The following USH2A variants were observed in gnomAD, a reference collection of about 807,000 sequenced individuals.
The protein encoded by USH2A is Usher syndrome 2A (autosomal recessive, mild).
A neutral mutation model predicts 538.9 loss-of-function variants in USH2A; 443 were observed. That is an observed-to-expected ratio of 0.82 (90% confidence interval 0.76 to 0.89). The LOEUF (loss-of-function observed/expected upper bound fraction) is 0.89, where lower values mean the gene tolerates loss of function less well. USH2A is among the 40% of genes least tolerant of loss of function. The pLI is 0.00. For synonymous variants in USH2A, 2,413 were observed against 2,273.5 expected, an observed-to-expected ratio of 1.06 and a Z score of -1.75; for missense variants, 6,633 against 6,324.8, an observed-to-expected ratio of 1.05 and a Z score of -1.65.
chr1:215,765,880 C>T (rs1038300876), intron 56 of USH2A, among the ~76,000 whole-genome samples: 1 of 152,124 alleles, frequency 6.6e-6, no homozygotes, highest in African/African-American at 2.4e-5. Context: ...CAATTCTACT[C>T]ACAAACATTA....
At chr1:216,018,994 A>G (rs1470238543) in intron 32 of USH2A, among the ~76,000 whole-genome samples, 1 of 152,194 alleles carries the variant, frequency 6.6e-6, no homozygotes, top group Admixed American at 6.5e-5. Flanking sequence ...TTTATTAAAT[A>G]AGTATGCTAT....
intron 3 of USH2A, among the ~76,000 whole-genome samples, chr1:216,409,008 G>A (rs781229524): frequency 9.9e-5 from 15 of 152,182 alleles, no homozygotes; most frequent in Non-Finnish European, 2.2e-4. Context: ...GTGGTTGACT[G>A]TGGGTGACAA....
At chr1:216,307,380 CCATG>C (rs371664054) in intron 9 of USH2A, among the ~76,000 whole-genome samples, 14 of 152,204 alleles carry the variant, frequency 9.2e-5, no homozygotes, top group Non-Finnish European at 2.1e-4. Flanking sequence ...CACCCAGCTC[CCATG>C]CAACCCAAAA....
intron 56 of USH2A, among the ~76,000 whole-genome samples, chr1:215,764,847 G>T (rs1189251706): frequency 6.6e-6 from 1 of 151,784 alleles, no homozygotes; most frequent in African/African-American, 2.4e-5. Context: ...TTCATATATG[G>T]GTTATATATA....
chr1:216,329,078 G>A (rs889057056), intron 4 of USH2A, among the ~76,000 whole-genome samples: 1 of 152,060 alleles, frequency 6.6e-6, no homozygotes, highest in Non-Finnish European at 1.5e-5. Flanking sequence ...TTTCCCGTAG[G>A]GAGAGTTTCT....
chr1:215,896,267 C>T (rs1293876069), intron 40 of USH2A, among the ~76,000 whole-genome samples: 1 of 149,652 alleles, frequency 6.7e-6, no homozygotes, highest in Admixed American at 6.7e-5. Context: ...TATATGACAA[C>T]TAAATTGTTA....
Position 216,072,907 on chromosome 1 carries a change from C to T in USH2A, c.5839G>A (p.Gly1947Arg). ...GGSVYSDWSR[G>R]RTTGAAPQSV... The stretch of plus-strand genomic sequence containing the variant: ...TATTTACCTGCTCCTGTTGTACGTC[C>T]TCGACTCCAATCACTATATACTGAA... The change falls in exon 29 of 72, where the codon GGA becomes AGA. Residue 1947 changes from glycine to arginine, a missense_variant. Coordinates refer to ENST00000307340, the MANE Select transcript of USH2A (RefSeq NM_206933.4). 1 of 1,613,844 alleles carries T rather than the reference C, an allele frequency of 6.2e-7. No individual in the cohort carries two copies. Among genetic ancestry groups the T allele is most frequent in the Non-Finnish European group, 8.5e-7 (1 of 1,179,846 alleles).
intron 32 of USH2A, among the ~76,000 whole-genome samples, chr1:216,016,528 T>G (rs545229526): frequency 6.6e-6 from 1 of 152,144 alleles, no homozygotes; most frequent in Admixed American, 6.5e-5. Context: ...GTTCAATGTT[T>G]GCATTATCCA....
intron 3 of USH2A, among the ~76,000 whole-genome samples, chr1:216,385,894 C>T (rs962003590): frequency 6.6e-6 from 1 of 152,204 alleles, no homozygotes; most frequent in Non-Finnish European, 1.5e-5. Flanking sequence ...CTTCTCTCCC[C>T]ATCTCTGCCT....
At chr1:215,680,519 T>A in intron 61 of USH2A, 143 bp from the exon 62 acceptor site, 1 of 769,136 alleles carries the variant, frequency 1.3e-6, no homozygotes, top group Non-Finnish European at 2.2e-6. Context: ...GAATTATCAT[T>A]AAGAAAACAA....
chr1:215,856,087 A>C (rs1571751854), intron 44 of USH2A, among the ~76,000 whole-genome samples: 1 of 152,248 alleles, frequency 6.6e-6, no homozygotes, highest in African/African-American at 2.4e-5. Context: ...AAAATTCTAG[A>C]AGATAACATT....
At chr1:215,671,362 C>T in intron 63 of USH2A, 69 bp from the exon 64 acceptor site, 1 of 1,476,878 alleles carries the variant, frequency 6.8e-7, no homozygotes, top group Non-Finnish European at 9.4e-7. Flanking sequence ...ATCTTTAAAA[C>T]ACCAGGCCTT....
At chr1:216,378,959 T>C (rs1176942079) in intron 3 of USH2A, among the ~76,000 whole-genome samples, 1 of 152,204 alleles carries the variant, frequency 6.6e-6, no homozygotes, top group African/African-American at 2.4e-5. Context: ...TTGGATTTGA[T>C]AATTGTGGGG....
At chr1:215,798,845 T>C (rs1662214394) in intron 50 of USH2A, 62 bp downstream of exon 50, 5 of 1,596,220 alleles carry the variant, frequency 3.1e-6, no homozygotes, top group Non-Finnish European at 4.3e-6. Flanking sequence ...CTAGGGCAAA[T>C]TTCTCACTCT....
chr1:216,143,908 A>AGAAAATATCCAGTAGATATTT, intron 21 of USH2A, among the ~76,000 whole-genome samples: 1 of 152,194 alleles, frequency 6.6e-6, no homozygotes, highest in South Asian at 2.1e-4. Flanking sequence ...CTTCTATTGT[A>AGAAAATATCCAGTAGATATTT]TCTACTGAGT....
chr1:216,094,159 T>C (rs563234669), intron 22 of USH2A, among the ~76,000 whole-genome samples: 32 of 152,342 alleles, frequency 2.1e-4, no homozygotes, highest in Admixed American at 1.4e-3. Flanking sequence ...GACAGTCTTC[T>C]ATTTTACTGT....
chr1:215,708,913 G>A (rs1382053072), intron 61 of USH2A, among the ~76,000 whole-genome samples: 1 of 152,026 alleles, frequency 6.6e-6, no homozygotes, highest in Non-Finnish European at 1.5e-5. Context: ...TATATTATCT[G>A]GTTTTAAGTA....
intron 3 of USH2A, among the ~76,000 whole-genome samples, chr1:216,391,156 G>A (rs2039100013): frequency 6.6e-6 from 1 of 152,182 alleles, no homozygotes; most frequent in South Asian, 2.1e-4. Flanking sequence ...AAGTGAATAT[G>A]CTTAAGCTGG....
chr1:215,854,438 G>A (rs1333686642), intron 44 of USH2A, among the ~76,000 whole-genome samples: 1 of 152,102 alleles, frequency 6.6e-6, no homozygotes, highest in East Asian at 1.9e-4. Flanking sequence ...AGACAAGTAT[G>A]CCTACTTTCA....
Sources: allele counts gnomAD v4.1 joint callset (sites outside exome capture counted in the v4.1 genomes callset), GRCh38; gene constraint gnomAD v4.1.1; transcripts MANE v1.5; gene names NCBI Gene and HGNC (gene_info 2026-07-23, HGNC 2026-07-21).